TVP23A: variants seen among roughly 807,000 people sequenced by gnomAD.
The protein encoded by TVP23A is Golgi apparatus membrane protein TVP23 homolog A.
Under a neutral mutation model 31.7 loss-of-function variants are expected in TVP23A, and 21 were observed. That is an observed-to-expected ratio of 0.66 (90% CI 0.47 to 0.95). The LOEUF (loss-of-function observed/expected upper bound fraction) is 0.95, where lower values mean the gene tolerates loss of function less well. TVP23A is among the 40% of genes least tolerant of loss of function. The pLI is 0.00. For missense variants in TVP23A, 279 were observed against 255.6 expected (o/e 1.09, Z -0.62); for synonymous variants, 104 against 96.0 (o/e 1.08, Z -0.49).
intron 2 of TVP23A, among the ~76,000 whole-genome samples, chr16:10,805,076 C>T (rs145495657): frequency 1.3e-5 from 2 of 152,028 alleles, no homozygotes; most frequent in Non-Finnish European, 2.9e-5. Flanking sequence ...CTCGCTCTGT[C>T]GCCCAGGCTG....
At chr16:10,799,858 G>A (rs1287084390) in intron 2 of TVP23A, among the ~76,000 whole-genome samples, 1 of 152,114 alleles carries the variant, frequency 6.6e-6, no homozygotes, top group Non-Finnish European at 1.5e-5. Context: ...CTGATGGACA[G>A]AAAAGAGCAG....
At chr16:10,793,152 C>T (rs1253085696) in intron 2 of TVP23A, among the ~76,000 whole-genome samples, 2 of 151,986 alleles carry the variant, frequency 1.3e-5, no homozygotes, top group African/African-American at 2.4e-5. Context: ...AGCCAGGCAT[C>T]GTGGCACGCA....
chr16:10,803,268 T>TGTGTGTGTGTGTGTGTGTGCGC (rs1555485950), intron 2 of TVP23A, among the ~76,000 whole-genome samples: 1 of 151,302 alleles, frequency 6.6e-6, no homozygotes, highest in Non-Finnish European at 1.5e-5. Flanking sequence ...TGTGTGTGTG[T>TGTGTGTGTGTGTGTGTGTGCGC]GTGTGTGTGT....
intron 2 of TVP23A, among the ~76,000 whole-genome samples, chr16:10,793,989 C>T (rs780975655): frequency 5.3e-5 from 8 of 150,406 alleles, no homozygotes; most frequent in East Asian, 1.9e-4. Flanking sequence ...CCAGCACACT[C>T]GGTATCTGGT....
chr16:10,770,349 A>G lies in TVP23A; in HGVS notation c.583-18T>C, dbSNP rs2031486236. 6.5e-7 allele frequency: 1 copy of G among 1,550,356 alleles called. No individual in the cohort carries two copies. On this transcript the variant is annotated intron_variant, in intron 6 of 7. Transcript: ENST00000299866. ...GGGCAGGCCTGCAAGGGGAAAAGTC[A>G]ACCATGGTTTTCTGTCCTTACACGC...
Position 10,779,194 on chromosome 16 carries a change from G to C in TVP23A, c.90-4098C>G, listed in dbSNP as rs2032271300. Among the ~76,000 whole-genome samples, 2 of 152,164 alleles carry C rather than the reference G, an allele frequency of 1.3e-5. No individual in the cohort carries two copies. The highest frequency in any genetic ancestry group is 2.9e-5 in the Non-Finnish European group (2 of 68,034). ...TGGAAAGTGGTGTTACTCAAACAGA[G>C]TTCAAAGCCCAAAGCAAGTAGAAGA... is the stretch of plus-strand genomic sequence containing the variant. On this transcript the variant is annotated intron_variant, in intron 2 of 7. Transcript: ENST00000299866. This position sits in a 1 kb window ranked among gnomAD's most constrained non-coding sequence, Gnocchi z 4.9.
Position 10,761,297 on chromosome 16 carries a change from T to G in TVP23A, c.*478A>C, listed in dbSNP as rs2029876533. On this transcript the variant is annotated 3_prime_UTR_variant and NMD_transcript_variant, in exon 9 of 9. Coordinates refer to the TVP23A transcript ENST00000456096. ...GATCCACTGCATTGCAGCCATCCCC[T>G]CGGTTGCACAGACATTCCCTTTCTC... 8 of 1,426,982 alleles carry G rather than the reference T, an allele frequency of 5.6e-6. No homozygotes were observed. In the South Asian group the frequency reaches 9.5e-5, roughly 17 times the overall value. 88.4% of individuals were successfully genotyped at this position (1,426,982 alleles called of 1,614,324 possible).
At chr16:10,775,426 G>A in intron 2 of TVP23A, 1 of 1,108,202 alleles carries the variant, frequency 9.0e-7, no homozygotes, top group Non-Finnish European at 1.1e-6. Context: ...TTCCCGCCTA[G>A]CAGAGATGAC....
rs1295925363 is a variant in TVP23A at position 10,818,521 on chromosome 16, C to T, written c.-28G>A. On this transcript the variant is annotated 5_prime_UTR_variant, in exon 1 of 8. Transcript: ENST00000299866. This position sits in a 1 kb window ranked among gnomAD's most constrained non-coding sequence, Gnocchi z 4.7. ...CCCTCCCAGGAGCCCACCTGGCGCC[C>T]AGGCCCGGGGCTCCAGCTCCGCCCG... The T allele has an allele frequency of 1.9e-5, 30 of 1,600,162 alleles. No individual in the cohort carries two copies. The highest frequency in any genetic ancestry group is 2.5e-5 in the Non-Finnish European group (29 of 1,177,808).
chr16:10,804,577 T>C lies in TVP23A; in HGVS notation c.89+13526A>G, dbSNP rs2033856125. Among the ~76,000 whole-genome samples the C allele has an allele frequency of 3.3e-5, 5 of 152,218 alleles. No individual in the cohort carries two copies. The South Asian group carries it at 8.3e-4, about 25-fold the overall frequency. On this transcript the variant is annotated intron_variant, in intron 2 of 7. Transcript: ENST00000299866. ...AGCCTAGGCAACTAGAGAGACCCTA[T>C]CTCTACAAAGAACAAAAACATTAGC...
intron 5 of TVP23A, among the ~76,000 whole-genome samples, chr16:10,772,976 G>A (rs572605433): frequency 1.6e-4 from 24 of 152,004 alleles, no homozygotes; most frequent in Admixed American, 1.4e-3. Context: ...TTTGCTTCCC[G>A]GGCTCAAGCG....
intron 2 of TVP23A, among the ~76,000 whole-genome samples, chr16:10,787,135 G>A (rs1475907980): frequency 6.6e-6 from 1 of 152,144 alleles, no homozygotes; most frequent in Non-Finnish European, 1.5e-5. Flanking sequence ...GAAAGCCAGA[G>A]GGTCCAGCCC....
rs1596598240 is a variant in TVP23A, at chr16:10,818,575, G to A, written c.-82C>T. 3.9e-6 allele frequency: 6 copies of A among 1,529,832 alleles called. No individual in the cohort carries two copies. Among genetic ancestry groups the A allele is most frequent in the African/African-American group, 1.4e-5 (1 of 71,772 alleles). The allele number at this position is 1,529,832 out of a possible 1,614,324, so 94.8% of individuals were successfully genotyped here. On this transcript the variant is annotated 5_prime_UTR_variant, in exon 1 of 8. Coordinates refer to ENST00000299866, the MANE Select transcript of TVP23A (RefSeq NM_001079512.4). This position sits in a 1 kb window ranked among gnomAD's most constrained non-coding sequence, Gnocchi z 4.7. ...CCGCTGAAGGGGTCGGACGCCGGGC[G>A]GGCGGATGTAGGCAGCAGACGGTGG...
Position 10,766,781 on chromosome 16 carries a change from G to C in TVP23A, c.*2321C>G. On this transcript the variant is annotated 3_prime_UTR_variant, in exon 8 of 8. Coordinates refer to ENST00000299866, the MANE Select transcript of TVP23A (RefSeq NM_001079512.4). This position sits in a 1 kb window ranked among gnomAD's most constrained non-coding sequence, Gnocchi z 4.8. ...TCAAAGGCCCCATTACAGAGTTTTT[G>C]TGTTTAAATACCCTCTACTTGAGGT... The C allele has an allele frequency of 2.5e-6, 1 of 397,072 alleles. No individual in the cohort carries two copies. 24.6% of individuals were successfully genotyped at this position (397,072 alleles called of 1,614,324 possible). A position where few individuals can be genotyped will look rare whatever the true frequency, so the allele number is the denominator to read the frequency against.
In TVP23A at chr16:10,777,439, C is replaced by T. The variant is rs2032110155; in HGVS notation, c.90-2343G>A. Among the ~76,000 whole-genome samples the T allele has an allele frequency of 6.6e-6, 1 of 151,824 alleles. No homozygotes were observed. The highest frequency in any genetic ancestry group is 6.6e-5 in the Admixed American group (1 of 15,222). ...AAAATGCGGGGCCGAATGGGGTGGT[C>T]ACAGAGATCCACACAGAACTGCAGG... On this transcript the variant is annotated intron_variant, in intron 2 of 7. Transcript: ENST00000299866. The surrounding 1 kb of genome is among the most constrained non-coding windows in gnomAD (Gnocchi z 4.5).
At chr16:10,803,316 T>A (rs999857422) in intron 2 of TVP23A, among the ~76,000 whole-genome samples, 2 of 147,162 alleles carry the variant, frequency 1.4e-5, no homozygotes, top group South Asian at 4.2e-4. Context: ...CAAGACTCCG[T>A]CTCAAAACAA....
At chr16:10,814,963 T>C (rs2034370986) in intron 2 of TVP23A, among the ~76,000 whole-genome samples, 1 of 152,074 alleles carries the variant, frequency 6.6e-6, no homozygotes, top group Non-Finnish European at 1.5e-5. Flanking sequence ...TGACCTTACC[T>C]CCAAGCCTCC....
chr16:10,811,207 A>G (rs920030436), intron 2 of TVP23A, among the ~76,000 whole-genome samples: 3 of 152,192 alleles, frequency 2.0e-5, no homozygotes, highest in African/African-American at 7.2e-5. Context: ...AATGTATCAA[A>G]ATCAAAACTG....
intron 2 of TVP23A, among the ~76,000 whole-genome samples, chr16:10,793,800 G>A (rs1446389892): frequency 1.4e-5 from 2 of 138,822 alleles, no homozygotes; most frequent in East Asian, 2.2e-4. Flanking sequence ...GTGGGAGGCT[G>A]AAGTGCGAGG....
Sources: allele counts gnomAD v4.1 joint callset (sites outside exome capture counted in the v4.1 genomes callset), GRCh38; gene constraint gnomAD v4.1.1; non-coding constraint Gnocchi (gnomAD v3.1); transcripts MANE v1.5; gene names NCBI Gene and HGNC (gene_info 2026-07-23, HGNC 2026-07-21).